Variants in DOCK5 observed in about 807,000 individuals in gnomAD.
DOCK5 encodes the protein dedicator of cytokinesis 5.
DOCK5 carries 142 observed loss-of-function variants against 251.8 expected under a neutral mutation model. The observed-to-expected ratio is 0.56, with a 90% CI of 0.49 to 0.65. DOCK5 has a LOEUF of 0.65. Ranked by LOEUF, DOCK5 falls within the 30% of genes least tolerant of loss-of-function variation. The pLI, the probability that DOCK5 is intolerant of heterozygous loss-of-function variation, is 0.00. For synonymous variants in DOCK5, 842 were observed against 835.5 expected, an observed-to-expected ratio of 1.01 and a Z score of -0.13; for missense variants, 2,111 against 2,312.3, an observed-to-expected ratio of 0.91 and a Z score of 1.79.
intron 1 of DOCK5, among the ~76,000 whole-genome samples, chr8:25,186,877 G>A (rs561900493): frequency 6.4e-4 from 98 of 152,108 alleles, no homozygotes; most frequent in African/African-American, 2.2e-3. Flanking sequence ...ATGTTCTGGA[G>A]TCAGTTTACT....
In DOCK5 at chr8:25,324,739, A is replaced by G. The variant is rs1805517157; in HGVS notation, c.1720-625A>G. ...TACATGTGCCATGTTGGTGTGCTGC[A>G]CCCATTAACTTGCCATTTAACATTA... On this transcript the variant is annotated intron_variant, in intron 17 of 51. Coordinates refer to ENST00000276440, the MANE Select transcript of DOCK5 (RefSeq NM_024940.8). Among the ~76,000 whole-genome samples, 4 of 151,570 alleles carry G rather than the reference A, an allele frequency of 2.6e-5. No individual in the cohort carries two copies. The South Asian group carries it at 8.4e-4, about 32-fold the overall frequency.
intron 37 of DOCK5, 115 bp from the exon 38 acceptor site, chr8:25,377,190 A>C (rs542953836): frequency 1.5e-6 from 2 of 1,365,862 alleles, no homozygotes; most frequent in East Asian, 2.6e-5. Context: ...TTTTGTGTTT[A>C]ATACATAATC....
At chr8:25,249,252 C>T (rs936931142) in intron 2 of DOCK5, among the ~76,000 whole-genome samples, 7 of 152,158 alleles carry the variant, frequency 4.6e-5, no homozygotes, top group African/African-American at 1.4e-4. Flanking sequence ...CCTTCCACCT[C>T]GGCCTCCCAG....
Position 25,400,962 on chromosome 8 carries a change from G to C in DOCK5, c.4822G>C (p.Gly1608Arg), listed in dbSNP as rs767200338. 6.2e-7 allele frequency: 1 copy of C among 1,613,998 alleles called. No individual in the cohort carries two copies. Among genetic ancestry groups the C allele is most frequent in the Non-Finnish European group, 8.5e-7 (1 of 1,179,886 alleles). ...GCTAACAGAAGGGATCCGCATCCAT[G>C]GGGAGAAACTCACAGAGCAGCTGAA... The part of the protein sequence containing the change: ...PLLTEGIRIH[G>R]EKLTEQLKPL... The change falls in exon 47 of 52, where the codon GGG becomes CGG. Residue 1608 changes from glycine to arginine, a missense_variant. Gly to Arg is a moderately radical substitution (Grantham distance 125). Coordinates refer to ENST00000276440, the MANE Select transcript of DOCK5 (RefSeq NM_024940.8).
chr8:25,391,560 C>T (rs1801260453), intron 42 of DOCK5, among the ~76,000 whole-genome samples: 1 of 152,062 alleles, frequency 6.6e-6, no homozygotes, highest in African/African-American at 2.4e-5. Context: ...ATCACTTGAA[C>T]TCAGAAAGTG....
intron 9 of DOCK5, among the ~76,000 whole-genome samples, chr8:25,301,139 A>G (rs919807815): frequency 6.6e-6 from 1 of 152,238 alleles, no homozygotes; most frequent in African/African-American, 2.4e-5. Flanking sequence ...GTGAAAAGGT[A>G]AAACTTTATA....
chr8:25,275,954 A>G (rs956429447), intron 4 of DOCK5, among the ~76,000 whole-genome samples: 3 of 152,212 alleles, frequency 2.0e-5, no homozygotes, highest in Non-Finnish European at 2.9e-5. Context: ...TCTTTCTATA[A>G]TTGTTCCTCC....
At chr8:25,349,550 G>A (rs1293804451) in intron 26 of DOCK5, among the ~76,000 whole-genome samples, 1 of 152,190 alleles carries the variant, frequency 6.6e-6, no homozygotes, top group Non-Finnish European at 1.5e-5. Context: ...TGGATAAAGT[G>A]TGGTATATAT....
At chr8:25,380,258 T>C in intron 38 of DOCK5, 47 bp from the exon 39 acceptor site, 1 of 1,547,116 alleles carries the variant, frequency 6.5e-7, no homozygotes, top group Non-Finnish European at 8.8e-7. Flanking sequence ...ACTGAATCAA[T>C]GACTGCCTTG....
intron 1 of DOCK5, among the ~76,000 whole-genome samples, chr8:25,233,705 T>C (rs972679776): frequency 2.6e-5 from 4 of 152,244 alleles, no homozygotes; most frequent in African/African-American, 9.6e-5. Flanking sequence ...CCTTGGTCTA[T>C]CACTTTTCTT....
rs142294937 is a variant in DOCK5 at position 25,208,831 on chromosome 8, T to A, written c.43+23880T>A. ...TAGAGGACAAATCACTTGCTTCTGATTGAGGTTAAAATATGCCCATGACCT... is the reference window on the plus strand; with the variant it reads ...TAGAGGACAAATCACTTGCTTCTGAATGAGGTTAAAATATGCCCATGACCT... On this transcript the variant is annotated intron_variant, in intron 1 of 51. Transcript: ENST00000276440. Among the ~76,000 whole-genome samples the A allele has an allele frequency of 1.7e-3, 253 of 152,264 alleles. 1 individual carries two copies. The highest frequency in any genetic ancestry group is 5.8e-3 in the African/African-American group (240 of 41,558).
At chr8:25,399,816 G>T (rs1263406913) in intron 45 of DOCK5, 95 bp from the exon 46 acceptor site, 9 of 887,460 alleles carry the variant, frequency 1.0e-5, no homozygotes, top group Non-Finnish European at 1.6e-5. Context: ...AGACACATCT[G>T]GTTCTTCCGC....
intron 1 of DOCK5, among the ~76,000 whole-genome samples, chr8:25,186,712 C>G (rs908794187): frequency 5.3e-5 from 8 of 152,168 alleles, no homozygotes; most frequent in African/African-American, 1.9e-4. Context: ...TGCCCAATCA[C>G]TACAGAAATG....
chr8:25,201,774 G>A (rs1254563695), intron 1 of DOCK5, among the ~76,000 whole-genome samples: 2 of 152,110 alleles, frequency 1.3e-5, no homozygotes, highest in East Asian at 3.9e-4. Flanking sequence ...GGTACAGTGG[G>A]CAGTACGTGA....
At chr8:25,227,640 T>C (rs957323315) in intron 1 of DOCK5, among the ~76,000 whole-genome samples, 1 of 152,226 alleles carries the variant, frequency 6.6e-6, no homozygotes, top group Non-Finnish European at 1.5e-5. Context: ...TATGACGTTT[T>C]AAACCATTTG....
Position 25,210,033 on chromosome 8 carries a change from T to TATATATAAAA in DOCK5, c.43+25083_43+25084insTATATAAAAA, listed in dbSNP as rs1293166301. On this transcript the variant is annotated intron_variant, in intron 1 of 51. Coordinates refer to ENST00000276440, the MANE Select transcript of DOCK5 (RefSeq NM_024940.8). Reference sequence around the variant, plus strand: ...TTATATATATATATATATATATATATAAATGTGTGTGTGTGTGTGTGTGTG... The same window carrying TATATATAAAA: ...TTATATATATATATATATATATATATATATATAAAAAAATGTGTGTGTGTGTGTGTGTGTG... Among the ~76,000 whole-genome samples the TATATATAAAA allele has an allele frequency of 5.0e-3, 114 of 22,874 alleles. 32 individuals carry two copies. Among genetic ancestry groups the TATATATAAAA allele is most frequent in the African/African-American group, 9.3e-3 (106 of 11,428 alleles). 15.0% of individuals were successfully genotyped at this position (22,874 alleles called of 152,430 possible).
At chr8:25,376,846 A>T in intron 37 of DOCK5, 1 of 152,634 alleles carries the variant, frequency 6.6e-6, no homozygotes, top group East Asian at 1.9e-4. Flanking sequence ...ATCTGAAATA[A>T]ATTTTATTTC....
At chr8:25,385,414 T>C (rs1801148155) in intron 40 of DOCK5, among the ~76,000 whole-genome samples, 1 of 151,834 alleles carries the variant, frequency 6.6e-6, no homozygotes, top group Non-Finnish European at 1.5e-5. Context: ...GGAGATGAGG[T>C]CACAGCCATC....
chr8:25,352,298 GAGAAAAGA>G (rs1800485715), intron 27 of DOCK5, among the ~76,000 whole-genome samples: 1 of 149,662 alleles, frequency 6.7e-6, no homozygotes, highest in African/African-American at 2.5e-5. Context: ...GAAAAAAGGA[GAGAAAAGA>G]AGAAAAGAGA....
Sources: gnomAD v4.1 joint callset for allele counts (sites outside exome capture counted in the v4.1 genomes callset) on GRCh38, gnomAD v4.1.1 for gene constraint, MANE v1.5 for transcripts, NCBI Gene and HGNC (gene_info 2026-07-23, HGNC 2026-07-21) for gene names.